APPBP2: variants seen among roughly 807,000 people sequenced by gnomAD.
APPBP2 encodes the protein amyloid protein-binding protein 2.
In APPBP2, 15 loss-of-function variants were observed where a neutral mutation model predicts 76.0. That is an observed-to-expected ratio of 0.20 (90% CI 0.13 to 0.30). The LOEUF (loss-of-function observed/expected upper bound fraction) is 0.30, where lower values mean the gene tolerates loss of function less well. APPBP2 is among the 10% of genes least tolerant of loss of function. APPBP2 has a pLI of 1.00. For synonymous variants in APPBP2, 222 were observed against 242.2 expected (o/e 0.92, Z 0.77); for missense variants, 401 against 687.2 (o/e 0.58, Z 4.66).
rs2090316252 is a variant in APPBP2, at chr17:60,443,227, G to A, written c.*4354C>T. On this transcript the variant is annotated 3_prime_UTR_variant, in exon 13 of 13. Coordinates refer to ENST00000083182, the MANE Select transcript of APPBP2 (RefSeq NM_006380.5). ...ATACAAGTACAGAATATATCACAAT[G>A]CTGGTTACAAACATACTTAGTATGG... 1 of 152,570 alleles carries A rather than the reference G, an allele frequency of 6.6e-6. No individual in the cohort carries two copies. The highest frequency in any genetic ancestry group is 2.1e-4 in the South Asian group (1 of 4,836). 9.5% of individuals were successfully genotyped at this position (152,570 alleles called of 1,614,324 possible).
chr17:60,510,637 G>GC (rs1196318501), intron 1 of APPBP2, among the ~76,000 whole-genome samples: 2 of 151,950 alleles, frequency 1.3e-5, no homozygotes, highest in Non-Finnish European at 2.9e-5. Context: ...GTTTGCCTGA[G>GC]CCTGGGAGGT....
intron 1 of APPBP2, among the ~76,000 whole-genome samples, chr17:60,523,218 A>G (rs918788554): frequency 1.6e-4 from 24 of 152,090 alleles, no homozygotes; most frequent in African/African-American, 5.8e-4. Flanking sequence ...AGCCTCCTAA[A>G]ATTTTCACAA....
intron 1 of APPBP2, 79 bp from the exon 2 acceptor site, chr17:60,500,566 TTTGA>T: frequency 5.0e-6 from 5 of 1,002,716 alleles, no homozygotes; most frequent in African/African-American, 1.7e-5. Flanking sequence ...ATAAATGTAA[TTTGA>T]TTAATTTCAG....
At chr17:60,475,873 T>C (rs755404241) in intron 4 of APPBP2, among the ~76,000 whole-genome samples, 2 of 152,180 alleles carry the variant, frequency 1.3e-5, no homozygotes, top group African/African-American at 2.4e-5. Flanking sequence ...TCTGTTCCCT[T>C]ATCTGGAGGT....
intron 1 of APPBP2, among the ~76,000 whole-genome samples, chr17:60,506,126 T>C (rs2090866325): frequency 6.6e-6 from 1 of 151,970 alleles, no homozygotes; most frequent in South Asian, 2.1e-4. Context: ...TAGTAGCTGG[T>C]ACTACAGGCA....
intron 3 of APPBP2, 139 bp downstream of exon 3, chr17:60,494,327 C>A: frequency 1.3e-6 from 1 of 793,638 alleles, no homozygotes. Flanking sequence ...AATGCTTTGG[C>A]ATGGGGTTAA....
chr17:60,459,476 G>T (rs2090459255), intron 9 of APPBP2: 1 of 149,164 alleles, frequency 6.7e-6, no homozygotes, highest in Admixed American at 6.7e-5. Context: ...TCCTTTCCCT[G>T]GGGTTGTAGT....
At chr17:60,479,086 A>G in intron 4 of APPBP2, 62 bp downstream of exon 4, 1 of 1,533,558 alleles carries the variant, frequency 6.5e-7, no homozygotes, top group South Asian at 1.2e-5. Flanking sequence ...TATAAGAGCT[A>G]AAACTATAAA....
At chr17:60,455,116 T>A (rs895314968) in intron 10 of APPBP2, among the ~76,000 whole-genome samples, 4 of 152,174 alleles carry the variant, frequency 2.6e-5, no homozygotes, top group African/African-American at 9.7e-5. Context: ...TGTAGCATTT[T>A]TTAAAAAGAA....
intron 3 of APPBP2, among the ~76,000 whole-genome samples, chr17:60,481,869 A>G (rs2090632751): frequency 6.6e-6 from 1 of 152,216 alleles, no homozygotes. Flanking sequence ...TCAATCCAGT[A>G]ACCACAGGAT....
intron 1 of APPBP2, among the ~76,000 whole-genome samples, chr17:60,508,105 T>A (rs770898387): frequency 6.6e-6 from 1 of 152,088 alleles, no homozygotes; most frequent in Non-Finnish European, 1.5e-5. Flanking sequence ...CCGGAGTAGC[T>A]GGGACTACAG....
intron 4 of APPBP2, among the ~76,000 whole-genome samples, chr17:60,474,204 C>T (rs1457100570): frequency 6.7e-6 from 1 of 148,916 alleles, no homozygotes; most frequent in African/African-American, 2.5e-5. Flanking sequence ...CAGAGTTTTG[C>T]TCGTCGCCCA....
At chr17:60,512,601 C>G (rs1330797843) in intron 1 of APPBP2, among the ~76,000 whole-genome samples, 2 of 151,300 alleles carry the variant, frequency 1.3e-5, no homozygotes, top group African/African-American at 4.9e-5. Context: ...CTTTGGGAGG[C>G]TGAGGCGGGA....
At chr17:60,449,664 G>C in intron 12 of APPBP2, among the ~76,000 whole-genome samples, 1 of 151,188 alleles carries the variant, frequency 6.6e-6, no homozygotes, top group East Asian at 1.9e-4. Flanking sequence ...TGTCCATATG[G>C]GGAAAAAAAT....
intron 3 of APPBP2, among the ~76,000 whole-genome samples, chr17:60,487,563 T>C (rs2090690460): frequency 6.6e-6 from 1 of 152,238 alleles, no homozygotes; most frequent in African/African-American, 2.4e-5. Flanking sequence ...TAAGGTCTTC[T>C]CTACACTGTT....
intron 1 of APPBP2, among the ~76,000 whole-genome samples, chr17:60,521,469 A>G (rs1320408999): frequency 6.6e-6 from 1 of 152,192 alleles, no homozygotes; most frequent in South Asian, 2.1e-4. Context: ...AGTGCCCTAT[A>G]CAGGTGTACC....
At chr17:60,516,750 G>A (rs2090967110) in intron 1 of APPBP2, among the ~76,000 whole-genome samples, 2 of 152,156 alleles carry the variant, frequency 1.3e-5, no homozygotes, top group African/African-American at 4.8e-5. Flanking sequence ...AGTTTTAGTA[G>A]ATAATGCTGC....
At chr17:60,508,019 C>A (rs981741855) in intron 1 of APPBP2, among the ~76,000 whole-genome samples, 7 of 151,014 alleles carry the variant, frequency 4.6e-5, no homozygotes, top group African/African-American at 1.7e-4. Flanking sequence ...GCCACCCAGG[C>A]TGGAGTGCAG....
chr17:60,517,192 G>A (rs955110339), intron 1 of APPBP2, among the ~76,000 whole-genome samples: 3 of 152,092 alleles, frequency 2.0e-5, no homozygotes, highest in Non-Finnish European at 4.4e-5. Flanking sequence ...GGCCAGGCTG[G>A]TCTTGAACTC....
Sources: gnomAD v4.1 joint callset for allele counts (sites outside exome capture counted in the v4.1 genomes callset) on GRCh38, gnomAD v4.1.1 for gene constraint, MANE v1.5 for transcripts, NCBI Gene and HGNC (gene_info 2026-07-23, HGNC 2026-07-21) for gene names.